Variants in WWOX observed in about 807,000 individuals in gnomAD.
The protein encoded by WWOX is WW domain-containing oxidoreductase.
In WWOX, 69 loss-of-function variants were observed where a neutral mutation model predicts 46.2. The ratio of observed to expected loss-of-function variants is 1.49; its 90% CI spans 1.23 to 1.82. The LOEUF (loss-of-function observed/expected upper bound fraction) is 1.82. Among genes scored for constraint, WWOX ranks in the 40% most tolerant of loss-of-function variants. The probability of loss-of-function intolerance (pLI) is 0.00; values close to 1 mark genes in which losing one functional copy is unlikely to be tolerated. For synonymous variants in WWOX, 359 were observed against 202.6 expected (o/e 1.77, Z -6.56); for missense variants, 919 against 542.6 (o/e 1.69, Z -6.89).
chr16:78,184,718 G>A (rs2035641153), intron 5 of WWOX, among the ~76,000 whole-genome samples: 1 of 152,050 alleles, frequency 6.6e-6, no homozygotes, highest in Admixed American at 6.6e-5. Flanking sequence ...TTTTATGGTC[G>A]GTAATGCAAC....
intron 8 of WWOX, among the ~76,000 whole-genome samples, chr16:78,789,351 T>C (rs2050537120): frequency 6.6e-6 from 1 of 152,252 alleles, no homozygotes; most frequent in Non-Finnish European, 1.5e-5. Context: ...CATTCAACTT[T>C]GTTCTTTTGA....
At chr16:78,811,004 C>G (rs2051174542) in intron 8 of WWOX, among the ~76,000 whole-genome samples, 1 of 152,090 alleles carries the variant, frequency 6.6e-6, no homozygotes, top group African/African-American at 2.4e-5. Flanking sequence ...AAGAGCTTCT[C>G]TGGTGTTTAG....
intron 8 of WWOX, among the ~76,000 whole-genome samples, chr16:79,184,556 G>C (rs563098593): frequency 6.6e-6 from 1 of 152,220 alleles, no homozygotes; most frequent in East Asian, 1.9e-4. Flanking sequence ...TCTGACTCTG[G>C]TGTTGTGCAC....
chr16:78,187,716 A>G (rs1597327525), intron 5 of WWOX, among the ~76,000 whole-genome samples: 1 of 152,294 alleles, frequency 6.6e-6, no homozygotes, highest in Admixed American at 6.5e-5. Context: ...CGGTTCCTTA[A>G]CCTGCCAAAG....
intron 8 of WWOX, chr16:78,996,073 A>T (rs144193480): frequency 1.5e-3 from 579 of 385,056 alleles, no homozygotes; most frequent in African/African-American, 0.012. Flanking sequence ...AGATCCAAAA[A>T]GTTATTTTGG....
At chr16:78,228,333 TTC>T (rs199572958) in intron 5 of WWOX, among the ~76,000 whole-genome samples, 1 of 134,240 alleles carries the variant, frequency 7.4e-6, no homozygotes, top group East Asian at 2.3e-4. Context: ...AGGAATCATA[TTC>T]TCTCTTTTTT....
At chr16:78,350,704 C>T (rs35592895) in intron 5 of WWOX, among the ~76,000 whole-genome samples, 5,043 of 121,232 alleles carry the variant, frequency 0.042, 1,451 homozygotes, top group Non-Finnish European at 0.053. Flanking sequence ...ATTCAGTTCA[C>T]GGACATGTAG....
intron 8 of WWOX, among the ~76,000 whole-genome samples, chr16:78,458,660 G>T (rs1205021629): frequency 6.6e-6 from 1 of 150,500 alleles, no homozygotes; most frequent in Non-Finnish European, 1.5e-5. Context: ...AAAGTAAAAA[G>T]AATATAAATT....
At chr16:79,150,542 C>T (rs1360196368) in intron 8 of WWOX, among the ~76,000 whole-genome samples, 2 of 152,102 alleles carry the variant, frequency 1.3e-5, no homozygotes, top group African/African-American at 4.8e-5. Flanking sequence ...TAAGGGGCAG[C>T]CATTATTGAC....
intron 8 of WWOX, among the ~76,000 whole-genome samples, chr16:78,569,955 C>T (rs932924918): frequency 1.3e-5 from 2 of 152,200 alleles, no homozygotes; most frequent in Admixed American, 6.5e-5. Flanking sequence ...TTGAATTTCA[C>T]ATGTGATAAG....
chr16:79,068,878 G>T (rs2048494717), intron 8 of WWOX, among the ~76,000 whole-genome samples: 1 of 151,078 alleles, frequency 6.6e-6, no homozygotes, highest in Middle Eastern at 3.2e-3. Flanking sequence ...AAGCGAGAGA[G>T]GAGGTAGGGA....
intron 4 of WWOX, among the ~76,000 whole-genome samples, chr16:78,136,822 A>G (rs2033807185): frequency 6.6e-6 from 1 of 152,186 alleles, no homozygotes; most frequent in African/African-American, 2.4e-5. Flanking sequence ...GAGAATATGT[A>G]TAGCTGTGTG....
intron 5 of WWOX, among the ~76,000 whole-genome samples, chr16:78,178,947 C>A (rs1325940236): frequency 6.6e-6 from 1 of 151,832 alleles, no homozygotes; most frequent in Non-Finnish European, 1.5e-5. Flanking sequence ...ACGCGGATAA[C>A]CGAGAGCTGG....
chr16:78,915,494 C>G (rs899586374), intron 8 of WWOX, among the ~76,000 whole-genome samples: 14 of 152,068 alleles, frequency 9.2e-5, no homozygotes, highest in African/African-American at 2.2e-4. Flanking sequence ...GGCCAATGAG[C>G]CTACACAGAA....
intron 8 of WWOX, among the ~76,000 whole-genome samples, chr16:79,047,382 T>C (rs1362310913): frequency 6.6e-6 from 1 of 152,212 alleles, no homozygotes; most frequent in Non-Finnish European, 1.5e-5. Flanking sequence ...AGGCCAGAAA[T>C]AGACCAGATG....
chr16:79,021,851 A>G (rs16949251), intron 8 of WWOX, among the ~76,000 whole-genome samples: 30,443 of 152,170 alleles, frequency 0.2, 3,322 homozygotes, highest in East Asian at 0.4. Context: ...ACATACACAC[A>G]AAAAGTGCCA....
In WWOX at chr16:78,857,174, G is replaced by T. The variant is rs534217742; in HGVS notation, c.1057-354434G>T. Among the ~76,000 whole-genome samples, 17 of 152,134 alleles carry T rather than the reference G, an allele frequency of 1.1e-4. No homozygotes were observed. The South Asian group carries it at 3.5e-3, about 32-fold the overall frequency. On this transcript the variant is annotated intron_variant, in intron 8 of 8. Transcript: ENST00000566780. ...ACATATGCAAAGAGTTTTGGCTAAG[G>T]GAAAAGAAAAATGTGAACCTCCTAA...
At chr16:78,895,211 T>A (rs1231860778) in intron 8 of WWOX, 2 of 152,230 alleles carry the variant, frequency 1.3e-5, no homozygotes, top group Non-Finnish European at 2.9e-5. Context: ...GAATCTGGGC[T>A]TACCCAGTTA....
intron 8 of WWOX, among the ~76,000 whole-genome samples, chr16:78,444,013 A>G (rs185446712): frequency 6.6e-6 from 1 of 152,174 alleles, no homozygotes; most frequent in African/African-American, 2.4e-5. Context: ...CTCACTGGAC[A>G]TGTTGATTTT....
Sources: allele counts gnomAD v4.1 joint callset (sites outside exome capture counted in the v4.1 genomes callset), GRCh38; gene constraint gnomAD v4.1.1; transcripts MANE v1.5; gene names NCBI Gene and HGNC (gene_info 2026-07-23, HGNC 2026-07-21).